ADCYAP1: variants seen among roughly 807,000 people sequenced by gnomAD.
ADCYAP1 encodes adenylate cyclase activating polypeptide 1.
A neutral mutation model predicts 18.5 loss-of-function variants in ADCYAP1; 6 were observed. That is an observed-to-expected ratio of 0.32 (90% CI 0.18 to 0.64). The LOEUF (loss-of-function observed/expected upper bound fraction) is 0.64. Ranked by LOEUF, ADCYAP1 falls within the 30% of genes least tolerant of loss-of-function variation. ADCYAP1 has a pLI of 0.77. For synonymous variants in ADCYAP1, 136 were observed against 113.9 expected (o/e 1.19, Z -1.24); for missense variants, 314 against 253.6 (o/e 1.24, Z -1.62).
At chr18:904,662 G>A, upstream of ADCYAP1, 1 of 1,223,458 alleles carries the variant, frequency 8.2e-7, no homozygotes, top group South Asian at 1.4e-5. Context: ...CTAGCCGCCC[G>A]CCCTCTCCCT....
upstream of ADCYAP1, chr18:904,747 G>T: frequency 1.6e-6 from 2 of 1,252,912 alleles, no homozygotes; most frequent in Non-Finnish European, 2.1e-6. Flanking sequence ...TGGACTTACG[G>T]CCACCTTGCT....
intron 3 of ADCYAP1, 29 bp downstream of exon 3, chr18:907,819 C>A (rs772333843): frequency 4.2e-6 from 6 of 1,418,190 alleles, no homozygotes; most frequent in Admixed American, 3.3e-5. Context: ...CGCGCACACC[C>A]GCGGCTGGGA....
chr18:906,795 G>A (rs1170325683), intron 2 of ADCYAP1: 1 of 152,298 alleles, frequency 6.6e-6, no homozygotes, highest in Non-Finnish European at 1.5e-5. Context: ...CCTGTGTCAA[G>A]AACGGAGGCT....
At position 907,805 on chromosome 18, in the gene ADCYAP1, G is replaced by T; in HGVS notation, c.242+15G>T. 1 of 1,423,294 alleles carries T rather than the reference G, an allele frequency of 7.0e-7. No individual in the cohort carries two copies. Among genetic ancestry groups the T allele is most frequent in the Non-Finnish European group, 9.1e-7 (1 of 1,104,076 alleles). The allele number at this position is 1,423,294 out of a possible 1,614,324, so 88.2% of individuals were successfully genotyped here. ...GCCGGGAGAAGGTGAGATTCGCGCG[G>T]CCTCGCGCACACCCGCGGCTGGGAG... On this transcript the variant is annotated intron_variant, in intron 3 of 4. Transcript: ENST00000450565.
rs1909403243 is a variant in ADCYAP1 at position 911,962 on chromosome 18, A to G, written c.*2327A>G. 1 of 152,176 alleles carries G rather than the reference A, an allele frequency of 6.6e-6. No individual in the cohort carries two copies. The highest frequency in any genetic ancestry group is 2.4e-5 in the African/African-American group (1 of 41,440). 9.4% of individuals were successfully genotyped at this position (152,176 alleles called of 1,614,324 possible). On this transcript the variant is annotated 3_prime_UTR_variant, in exon 5 of 5. Transcript: ENST00000450565. ...TTAATCTTTTGTATACTTTTTAGAA[A>G]TGCCAAGAGCCTTACTAAACTGAAG... is the stretch of plus-strand genomic sequence containing the variant.
At position 905,482 on chromosome 18, in the gene ADCYAP1, G is replaced by A. The variant is rs778168865; in HGVS notation, c.96G>A (p.Arg32=). The stretch of plus-strand genomic sequence containing the variant: ...GCTCACCTGCCGCCGCCGGACTCCG[G>A]TTCCCCGGGATCAGGTAGGTGCTGG... ...VYSSPAAAGL[R]FPGIRPEEEA... The change falls in exon 2 of 5, where the codon CGG becomes CGA. Residue 32 remains arginine (R), a synonymous_variant. Transcript: ENST00000450565. The A allele has an allele frequency of 6.2e-7, 1 of 1,607,970 alleles. No homozygotes were observed. Among genetic ancestry groups the A allele is most frequent in the Non-Finnish European group, 8.5e-7 (1 of 1,179,988 alleles).
rs549866484 is a variant in ADCYAP1 at position 909,728 on chromosome 18, T to A, written c.*93T>A. On this transcript the variant is annotated 3_prime_UTR_variant, in exon 5 of 5. Coordinates refer to ENST00000450565, the MANE Select transcript of ADCYAP1 (RefSeq NM_001099733.2). ...CAACAGTCATCGCTCGTGTGTTCTA[T>A]CCAAACATGTATTTATGTAATGAAG... 7 of 1,114,802 alleles carry A rather than the reference T, an allele frequency of 6.3e-6. No individual in the cohort carries two copies. The Admixed American group carries it at 9.3e-5, about 15-fold the overall frequency. The allele number at this position is 1,114,802 out of a possible 1,614,324, so 69.1% of individuals were successfully genotyped here. A position where few individuals can be genotyped will look rare whatever the true frequency, so the allele number is the denominator to read the frequency against.
At chr18:909,389 G>T in intron 4 of ADCYAP1, 57 bp from the exon 5 acceptor site, 2 of 1,540,954 alleles carry the variant, frequency 1.3e-6, no homozygotes, top group Non-Finnish European at 1.8e-6. Flanking sequence ...GCTCCCCGCG[G>T]CGATTGAACC....
In ADCYAP1 at chr18:907,675, T is replaced by G. The variant is rs752090490; in HGVS notation, c.127T>G (p.Tyr43Asp). 8 of 1,576,896 alleles carry G rather than the reference T, an allele frequency of 5.1e-6. No homozygotes were observed. The East Asian group carries it at 1.2e-4, about 23-fold the overall frequency. The change falls in exon 3 of 5, where the codon TAC becomes GAC. Residue 43 changes from tyrosine (Y) to aspartate (D), a missense_variant. Physicochemically the swap from Tyr to Asp is radical, Grantham distance 160. Transcript: ENST00000450565. ...FPGIRPEEEA[Y>D]GEDGNPLPDF... ...ACCCCGCAGGCCAGAGGAAGAGGCG[T>G]ACGGCGAGGACGGAAACCCGCTGCC...
At position 909,693 on chromosome 18, in the gene ADCYAP1, C is replaced by G. The variant is rs909405909; in HGVS notation, c.*58C>G. 7 of 1,503,794 alleles carry G rather than the reference C, an allele frequency of 4.7e-6. No homozygotes were observed. Among genetic ancestry groups the G allele is most frequent in the Middle Eastern group, 3.5e-4 (2 of 5,718 alleles). 93.2% of individuals were successfully genotyped at this position (1,503,794 alleles called of 1,614,324 possible). Reference sequence around the variant, plus strand: ...CCTGACGCAATGAAAAGTCGTTTTCCAAACTGACTCAACAGTCATCGCTCG... The same window carrying G: ...CCTGACGCAATGAAAAGTCGTTTTCGAAACTGACTCAACAGTCATCGCTCG... On this transcript the variant is annotated 3_prime_UTR_variant, in exon 5 of 5. Transcript: ENST00000450565.
At position 904,880 on chromosome 18, in the gene ADCYAP1, G is replaced by T; in HGVS notation, c.-182G>T. ...CTACAAACTTTTGAGCAGAACACGA[G>T]CCTCGGCAAACGAGTCCCGCAGCTC... is the stretch of plus-strand genomic sequence containing the variant. On this transcript the variant is annotated 5_prime_UTR_variant, in exon 1 of 5. Transcript: ENST00000450565. 3 of 1,288,170 alleles carry T rather than the reference G, an allele frequency of 2.3e-6. No individual in the cohort carries two copies. Among genetic ancestry groups the T allele is most frequent in the Non-Finnish European group, 3.0e-6 (3 of 987,802 alleles). The allele number at this position is 1,288,170 out of a possible 1,614,324, so 79.8% of individuals were successfully genotyped here.
chr18:909,461 C>G lies in ADCYAP1; in HGVS notation c.357C>G (p.Gly119=), dbSNP rs748479815. The change falls in exon 5 of 5, where the codon GGC becomes GGG. Residue 119 remains glycine (G), a synonymous_variant. Coordinates refer to ENST00000450565, the MANE Select transcript of ADCYAP1 (RefSeq NM_001099733.2). The part of the protein sequence containing the change: ...VARGVGGSLG[G]GAGDDAEPLS... Reference sequence around the variant, plus strand: ...TTGCTTGCAGTGGGAGCCTCGGCGGCGGCGCGGGGGACGACGCGGAGCCGC... The same window carrying G: ...TTGCTTGCAGTGGGAGCCTCGGCGGGGGCGCGGGGGACGACGCGGAGCCGC... The G allele has an allele frequency of 6.2e-7, 1 of 1,611,628 alleles. No homozygotes were observed. The highest frequency in any genetic ancestry group is 1.3e-5 in the African/African-American group (1 of 74,840).
chr18:911,136 A>G lies in ADCYAP1; in HGVS notation c.*1501A>G, dbSNP rs1035951519. On this transcript the variant is annotated 3_prime_UTR_variant, in exon 5 of 5. Transcript: ENST00000450565. ...GATAAATCATTTAATCCTCTTCTTC[A>G]TATGTATGAGTACTATCTTATATCT... The G allele has an allele frequency of 4.6e-5, 7 of 152,164 alleles. No homozygotes were observed. The highest frequency in any genetic ancestry group is 1.7e-4 in the African/African-American group (7 of 41,430). 9.4% of individuals were successfully genotyped at this position (152,164 alleles called of 1,614,324 possible).
intron 4 of ADCYAP1, among the ~76,000 whole-genome samples, 155 bp from the exon 5 acceptor site, chr18:909,291 G>A (rs148154529): frequency 7.3e-4 from 111 of 152,358 alleles, no homozygotes; most frequent in Middle Eastern, 6.8e-3. Flanking sequence ...CCTCCCCACG[G>A]CTGCTTCCAG....
upstream of ADCYAP1, chr18:904,521 C>T (rs140055220): frequency 5.7e-4 from 729 of 1,289,134 alleles, 4 homozygotes; most frequent in African/African-American, 9.8e-3. Flanking sequence ...GAGCAGAAGG[C>T]CGGTCACCTC....
At chr18:907,039 C>T (rs1440741142) in intron 2 of ADCYAP1, among the ~76,000 whole-genome samples, 2 of 152,388 alleles carry the variant, frequency 1.3e-5, no homozygotes, top group African/African-American at 4.8e-5. Flanking sequence ...TGAGCCGCCG[C>T]CGAACTGGCT....
In ADCYAP1 at chr18:909,533, C is replaced by T. The variant is rs1237584530; in HGVS notation, c.429C>T (p.Arg143=). 1.2e-6 allele frequency: 2 copies of T among 1,614,174 alleles called. No homozygotes were observed. The highest frequency in any genetic ancestry group is 1.7e-6 in the Non-Finnish European group (2 of 1,180,010). ...GGATCTTCACGGACAGCTACAGCCG[C>T]TACCGGAAACAAATGGCTGTCAAGA... is the stretch of plus-strand genomic sequence containing the variant. ...SDGIFTDSYS[R]YRKQMAVKKY... Residue 143 remains arginine (R), a synonymous_variant, in exon 5 of 5, where the codon CGC becomes CGT. Coordinates refer to ENST00000450565, the MANE Select transcript of ADCYAP1 (RefSeq NM_001099733.2).
chr18:905,963 CTTTCT>C (rs1909155744), intron 2 of ADCYAP1: 1 of 162,232 alleles, frequency 6.2e-6, no homozygotes, highest in Non-Finnish European at 1.3e-5. Flanking sequence ...CTCCTCCACC[CTTTCT>C]TTTCATTTCA....
chr18:905,141 A>G (rs778661714), intron 1 of ADCYAP1, 81 bp downstream of exon 1: 47 of 1,383,210 alleles, frequency 3.4e-5, no homozygotes, highest in Non-Finnish European at 4.1e-5. Context: ...CAGGGGAGTT[A>G]GCTTTCCTTC....
Sources: gnomAD v4.1 joint callset for allele counts (sites outside exome capture counted in the v4.1 genomes callset) on GRCh38, gnomAD v4.1.1 for gene constraint, MANE v1.5 for transcripts, NCBI Gene and HGNC (gene_info 2026-07-23, HGNC 2026-07-21) for gene names.